The following GALNT9 variants were observed in gnomAD, a reference collection of about 807,000 sequenced individuals.
The protein encoded by GALNT9 is GalNAc transferase 9.
A neutral mutation model predicts 63.1 loss-of-function variants in GALNT9; 47 were observed. That is an observed-to-expected ratio of 0.75 (90% confidence interval 0.59 to 0.95). The LOEUF is 0.95. Among genes scored for constraint, GALNT9 ranks in the 40% least tolerant of loss-of-function variants. The pLI is 0.00. For synonymous variants in GALNT9, 396 were observed against 365.7 expected (o/e 1.08, Z -0.94); for missense variants, 829 against 874.8 (o/e 0.95, Z 0.66).
At position 132,329,125 on chromosome 12, in the gene GALNT9, A is replaced by C; in HGVS notation, c.79T>G (p.Tyr27Asp). 1 of 1,549,684 alleles carries C rather than the reference A, an allele frequency of 6.5e-7. No individual in the cohort carries two copies. The highest frequency in any genetic ancestry group is 8.7e-7 in the Non-Finnish European group (1 of 1,146,588). Reference protein sequence around the residue: ...VFVGIVLFSVYCRLQGRSQEL... With the variant: ...VFVGIVLFSVDCRLQGRSQEL... ...TGGGAGCGGCCCTGCAGGCGGCAGT[A>C]CACGGAGAACAGGACGATGCCCACG... is the stretch of plus-strand genomic sequence containing the variant. Residue 27 changes from tyrosine to aspartate, a missense_variant, in exon 1 of 11, where the codon TAC (tyrosine) becomes GAC (aspartate). By Grantham distance (160) the Tyr-to-Asp change is radical (BLOSUM62 -3). Transcript: ENST00000328957.
chr12:132,296,792 G>A lies in GALNT9; in HGVS notation c.239-10362C>T, dbSNP rs577823912. Among the ~76,000 whole-genome samples, 4 of 151,760 alleles carry A rather than the reference G, an allele frequency of 2.6e-5. No individual in the cohort carries two copies. Among genetic ancestry groups the A allele is most frequent in the Non-Finnish European group, 5.9e-5 (4 of 67,952 alleles). ...GCACGGATCTGACTTCGGCCTCTGT[G>A]CTGTGTCATCCCATGTGGACGGCGA... is the stretch of plus-strand genomic sequence containing the variant. On this transcript the variant is annotated intron_variant, in intron 1 of 10. Transcript: ENST00000328957. This position sits in a 1 kb window ranked among gnomAD's most constrained non-coding sequence, Gnocchi z 4.2.
intron 1 of GALNT9, among the ~76,000 whole-genome samples, chr12:132,320,628 G>T (rs1868739605): frequency 6.6e-6 from 1 of 150,722 alleles, no homozygotes; most frequent in African/African-American, 2.5e-5. Flanking sequence ...AAGCCCGTGT[G>T]CCTGGATCCG....
intron 6 of GALNT9, among the ~76,000 whole-genome samples, chr12:132,239,529 TACAG>T (rs1878150581): frequency 1.9e-5 from 1 of 53,750 alleles, no homozygotes; most frequent in Non-Finnish European, 4.0e-5. Flanking sequence ...GAGACTGAGA[TACAG>T]AGAGACAGAG....
intron 1 of GALNT9, among the ~76,000 whole-genome samples, chr12:132,308,442 C>T (rs373143298): frequency 3.3e-5 from 5 of 152,320 alleles, no homozygotes; most frequent in Middle Eastern, 3.4e-3. Context: ...TGGGTGCTGC[C>T]GCCCATTCTG....
intron 6 of GALNT9, among the ~76,000 whole-genome samples, chr12:132,237,892 C>G (rs2136895676): frequency 6.6e-6 from 1 of 152,246 alleles, no homozygotes. Flanking sequence ...GACCCAAAAC[C>G]TCTGCATGAG....
In GALNT9 at chr12:132,260,994, G is replaced by C. The variant is rs782117426; in HGVS notation, c.715C>G (p.Pro239Ala). 9.0e-6 allele frequency: 14 copies of C among 1,548,910 alleles called. No individual in the cohort carries two copies. Among genetic ancestry groups the C allele is most frequent in the African/African-American group, 2.7e-5 (2 of 72,922 alleles). Residue 239 changes from proline (P) to alanine (A), a missense_variant, in exon 4 of 11, where the codon CCA (proline) becomes GCA (alanine). Physicochemically the swap from Pro to Ala is conservative, Grantham distance 27. Coordinates refer to ENST00000328957, the MANE Select transcript of GALNT9 (RefSeq NM_001122636.2). The part of the protein sequence containing the change: ...RLQGWKAATA[P>A]VVGFFDAHVE... ...TGGGCATCAAAGAAGCCGACGACTG[G>C]GGCGGTGGCCGCCTTCCAGCCCTGC...
At chr12:132,300,131 A>C (rs1247459166) in intron 1 of GALNT9, among the ~76,000 whole-genome samples, 2 of 146,468 alleles carry the variant, frequency 1.4e-5, no homozygotes, top group African/African-American at 5.1e-5. Flanking sequence ...CACCACACCT[A>C]ACCCATCCCT....
At position 132,261,047 on chromosome 12, in the gene GALNT9, C is replaced by G. The variant is rs368118153; in HGVS notation, c.662G>C (p.Arg221Pro). 6.4e-7 allele frequency: 1 copy of G among 1,551,420 alleles called. No individual in the cohort carries two copies. The highest frequency in any genetic ancestry group is 8.7e-7 in the Non-Finnish European group (1 of 1,146,954). ...CCGCGCGCGGATCAGTCCTTCCCGC[C>G]GGCTGTTGCGGACAATCTTCACGAG... ...PGLVKIVRNS[R>P]REGLIRARLQ... The change falls in exon 4 of 11, where the codon CGG becomes CCG. Residue 221 changes from arginine (R) to proline (P), a missense_variant. Transcript: ENST00000328957.
chr12:132,212,033 T>A (rs1416090172), intron 6 of GALNT9, among the ~76,000 whole-genome samples: 1 of 152,200 alleles, frequency 6.6e-6, no homozygotes, highest in Non-Finnish European at 1.5e-5. Context: ...GCAGCGGACG[T>A]GCACGCAGGC....
intron 2 of GALNT9, among the ~76,000 whole-genome samples, chr12:132,264,231 G>A (rs1791259903): frequency 6.6e-6 from 1 of 152,274 alleles, no homozygotes; most frequent in South Asian, 2.1e-4. Context: ...TCATGGCACA[G>A]GTTTGAGAGA....
chr12:132,228,428 T>C (rs1256643836), intron 6 of GALNT9, among the ~76,000 whole-genome samples: 1 of 143,152 alleles, frequency 7.0e-6, no homozygotes, highest in Non-Finnish European at 1.5e-5. Context: ...ACCTCCTCGC[T>C]CCCTCCCCAG....
chr12:132,201,531 C>T (rs1036251123), intron 7 of GALNT9, among the ~76,000 whole-genome samples: 5 of 152,196 alleles, frequency 3.3e-5, no homozygotes, highest in Non-Finnish European at 7.3e-5. Context: ...GGCTCGTCCA[C>T]ACCCACCCGG....
chr12:132,243,923 C>T (rs1335469349), intron 6 of GALNT9, among the ~76,000 whole-genome samples: 4 of 152,058 alleles, frequency 2.6e-5, no homozygotes, highest in Non-Finnish European at 4.4e-5. Flanking sequence ...CCCGTGTCCG[C>T]CACACCCCAC....
At chr12:132,303,459 GCCCGGACACACCCTCA>G (rs1230119343) in intron 1 of GALNT9, among the ~76,000 whole-genome samples, 37 of 41,212 alleles carry the variant, frequency 9.0e-4, no homozygotes, top group Admixed American at 1.6e-3. Flanking sequence ...GCACACCCTC[GCCCGGACACACCCTCA>G]CCCGGGCACA....
rs1317069517 is a variant in GALNT9 at position 132,310,072 on chromosome 12, G to A, written c.238+18894C>T. 6.6e-6 allele frequency among the ~76,000 whole-genome samples: 1 copy of A among 152,236 alleles called. No individual in the cohort carries two copies. The highest frequency in any genetic ancestry group is 2.4e-5 in the African/African-American group (1 of 41,452). On this transcript the variant is annotated intron_variant, in intron 1 of 10. Transcript: ENST00000328957. The surrounding 1 kb of genome is among the most constrained non-coding windows in gnomAD (Gnocchi z 4.8). ...AAAAAAGGAGACTGCTGGAATCTGA[G>A]GTTTTCACCTTTTATCCACAGCCCT...
At position 132,197,176 on chromosome 12, in the gene GALNT9, C is replaced by T. The variant is rs750937650; in HGVS notation, c.1743G>A (p.Arg581=). Residue 581 remains arginine, a synonymous_variant, in exon 11 of 11, where the codon CGG becomes CGA. Coordinates refer to ENST00000328957, the MANE Select transcript of GALNT9 (RefSeq NM_001122636.2). The part of the protein sequence containing the change: ...EMSKDANFGL[R]LVVQRCSGQK... ...GCCCCGAGCACCTCTGTACCACCAG[C>T]CGGAGCCCAAAGTTGGCATCTTTGG... The T allele has an allele frequency of 6.2e-7, 1 of 1,614,146 alleles. No homozygotes were observed. The highest frequency in any genetic ancestry group is 1.7e-5 in the Admixed American group (1 of 60,028).
intron 1 of GALNT9, among the ~76,000 whole-genome samples, chr12:132,291,151 G>C (rs1236244954): frequency 4.4e-5 from 2 of 45,176 alleles, no homozygotes; most frequent in East Asian, 1.1e-3. Context: ...CACAACCACA[G>C]CACCCACGTC....
At chr12:132,229,894 G>A (rs1386382687) in intron 6 of GALNT9, among the ~76,000 whole-genome samples, 3 of 152,242 alleles carry the variant, frequency 2.0e-5, no homozygotes, top group African/African-American at 7.2e-5. Context: ...TCCGTCGGTG[G>A]TGGAGTCACA....
chr12:132,303,607 G>A (rs112200252), intron 1 of GALNT9, among the ~76,000 whole-genome samples: 23 of 55,430 alleles, frequency 4.1e-4, no homozygotes, highest in Non-Finnish European at 4.3e-4. Flanking sequence ...ACCCTCGCCC[G>A]GACACACCCT....
Sources: gnomAD v4.1 joint callset for allele counts (sites outside exome capture counted in the v4.1 genomes callset) on GRCh38, gnomAD v4.1.1 for gene constraint, Gnocchi (gnomAD v3.1) non-coding constraint, MANE v1.5 for transcripts, NCBI Gene and HGNC (gene_info 2026-07-23, HGNC 2026-07-21) for gene names.